OTOGL: variants seen among roughly 807,000 people sequenced by gnomAD.
OTOGL encodes the protein otogelin like.
Under a neutral mutation model 318.5 loss-of-function variants are expected in OTOGL, and 285 were observed. The observed-to-expected ratio is 0.89, with a 90% CI of 0.81 to 0.99. The LOEUF (loss-of-function observed/expected upper bound fraction) is 0.99, where lower values mean the gene tolerates loss of function less well. Among genes scored for constraint, OTOGL ranks in the 50% least tolerant of loss-of-function variants. The pLI is 0.00. For synonymous variants in OTOGL, 987 were observed against 936.5 expected (o/e 1.05, Z -0.99); for missense variants, 2,899 against 2,845.6 (o/e 1.02, Z -0.43).
At chr12:80,277,679 A>G (rs1049305422) in intron 24 of OTOGL, among the ~76,000 whole-genome samples, 1 of 151,504 alleles carries the variant, frequency 6.6e-6, no homozygotes, top group Non-Finnish European at 1.5e-5. Flanking sequence ...CACACACCTA[A>G]GTTAAACTCT....
Position 80,358,882 on chromosome 12 carries a change from T to C in OTOGL, c.6249T>C (p.Ile2083=), listed in dbSNP as rs372698486. The change falls in exon 52 of 59, where the codon ATT becomes ATC. Residue 2083 remains isoleucine (I), a synonymous_variant. Coordinates refer to ENST00000547103, the MANE Select transcript of OTOGL (RefSeq NM_001378609.3). The part of the protein sequence containing the change: ...WHCECNCENL[I]MPTCEVGEFT... Reference sequence around the variant, plus strand: ...TAGAATGTAACTGTGAAAACCTTATTATGCCAACTTGTGAAGTGGTAAGAA... The same window carrying C: ...TAGAATGTAACTGTGAAAACCTTATCATGCCAACTTGTGAAGTGGTAAGAA... 11 of 1,499,856 alleles carry C rather than the reference T, an allele frequency of 7.3e-6. No homozygotes were observed. In the African/African-American group the frequency reaches 1.5e-4, roughly 21 times the overall value. 92.9% of individuals were successfully genotyped at this position (1,499,856 alleles called of 1,614,324 possible). A position where few individuals can be genotyped will look rare whatever the true frequency, so the allele number is the denominator to read the frequency against.
Position 80,244,439 on chromosome 12 carries a change from C to T in OTOGL, c.1052+5000C>T, listed in dbSNP as rs934819418. On this transcript the variant is annotated intron_variant, in intron 11 of 58. Transcript: ENST00000547103. ...TGCCGTGTTTGGTTTTTTGTTCTTG[C>T]GATAGTTTACTGAGAATGATGATTT... is the stretch of plus-strand genomic sequence containing the variant. Among the ~76,000 whole-genome samples the T allele has an allele frequency of 6.3e-4, 94 of 149,118 alleles. 1 individual carries two copies. Among genetic ancestry groups the T allele is most frequent in the African/African-American group, 2.0e-3 (80 of 39,762 alleles).
rs912396438 is a variant in OTOGL, at chr12:80,172,467, C to T, written c.-19-36946C>T. Among the ~76,000 whole-genome samples, 33 of 152,174 alleles carry T rather than the reference C, an allele frequency of 2.2e-4. 1 individual carries two copies. The highest frequency in any genetic ancestry group is 2.1e-4 in the South Asian group (1 of 4,814). ...CACATGAGTGAAGTTTGGTAATGTGCGTCATTGGTCTTCTCATAGGTTGGT... is the reference window on the plus strand; with the variant it reads ...CACATGAGTGAAGTTTGGTAATGTGTGTCATTGGTCTTCTCATAGGTTGGT... On this transcript the variant is annotated intron_variant, in intron 1 of 58. Transcript: ENST00000547103.
intron 1 of OTOGL, among the ~76,000 whole-genome samples, chr12:80,164,424 T>C (rs944980872): frequency 2.0e-5 from 3 of 152,204 alleles, no homozygotes; most frequent in African/African-American, 7.2e-5. Flanking sequence ...TCTTTCCTTG[T>C]TATAAGTCTG....
chr12:80,312,086 A>G (rs564385637), intron 30 of OTOGL, among the ~76,000 whole-genome samples: 116 of 152,360 alleles, frequency 7.6e-4, no homozygotes, highest in African/African-American at 2.7e-3. Flanking sequence ...GTGTTTTTAG[A>G]TTTCACATTG....
At chr12:80,211,257 T>C (rs1204803076) in intron 3 of OTOGL, among the ~76,000 whole-genome samples, 1 of 152,094 alleles carries the variant, frequency 6.6e-6, no homozygotes, top group Admixed American at 6.6e-5. Flanking sequence ...AAATGTATTA[T>C]GTTCATTTTT....
At chr12:80,266,657 T>G in intron 21 of OTOGL, 41 bp downstream of exon 21, 1 of 1,566,292 alleles carries the variant, frequency 6.4e-7, no homozygotes, top group Non-Finnish European at 8.7e-7. Context: ...TGTTTTAATC[T>G]CTTTTTCTCC....
intron 30 of OTOGL, among the ~76,000 whole-genome samples, chr12:80,312,004 A>G (rs1886665058): frequency 6.6e-6 from 1 of 152,240 alleles, no homozygotes; most frequent in Non-Finnish European, 1.5e-5. Flanking sequence ...AAAATCATGC[A>G]GAAGTAAAAA....
In OTOGL at chr12:80,257,824, G is replaced by A; in HGVS notation, c.1712-1G>A. ...GATTTACGTATGTTCTTTTCCTGCA[G>A]GTATTGTTGAAATTCAAACTCTGTC... On this transcript the variant is annotated splice_acceptor_variant, in intron 17 of 58. Transcript: ENST00000547103. LOFTEE classifies it high-confidence loss of function. 6.4e-7 allele frequency: 1 copy of A among 1,569,988 alleles called. No homozygotes were observed. The highest frequency in any genetic ancestry group is 8.6e-7 in the Non-Finnish European group (1 of 1,164,556).
At chr12:80,355,620 C>G in intron 46 of OTOGL, 116 bp from the exon 47 acceptor site, 1 of 752,154 alleles carries the variant, frequency 1.3e-6, no homozygotes, top group East Asian at 2.8e-5. Flanking sequence ...AAACAATAGA[C>G]TTGTGACACA....
At chr12:80,161,224 CT>C (rs1873495086) in intron 1 of OTOGL, among the ~76,000 whole-genome samples, 1 of 151,194 alleles carries the variant, frequency 6.6e-6, no homozygotes. Context: ...CCCCCAAAAC[CT>C]GTGGAAATAA....
At chr12:80,180,565 G>A (rs1033042376) in intron 1 of OTOGL, among the ~76,000 whole-genome samples, 1 of 152,204 alleles carries the variant, frequency 6.6e-6, no homozygotes, top group African/African-American at 2.4e-5. Flanking sequence ...GGAGCCTTTT[G>A]TTGTGGAAGC....
chr12:80,247,908 C>T (rs766411283), intron 11 of OTOGL, among the ~76,000 whole-genome samples: 2,419 of 101,832 alleles, frequency 0.024, 67 homozygotes, highest in Middle Eastern at 0.061. Flanking sequence ...GATCCCTTTA[C>T]CATTATGTAA....
intron 1 of OTOGL, among the ~76,000 whole-genome samples, chr12:80,146,552 T>A (rs979644089): frequency 6.7e-6 from 1 of 150,042 alleles, no homozygotes; most frequent in African/African-American, 2.5e-5. Context: ...GGCTTTGGTA[T>A]CAGAATGATG....
intron 1 of OTOGL, among the ~76,000 whole-genome samples, chr12:80,168,656 C>G (rs1873987820): frequency 6.6e-6 from 1 of 152,128 alleles, no homozygotes; most frequent in South Asian, 2.1e-4. Context: ...TTTTGGCAGT[C>G]ATTGTTGGCA....
intron 11 of OTOGL, 88 bp from the exon 12 acceptor site, chr12:80,251,605 C>T (rs956193567): frequency 1.1e-6 from 1 of 951,026 alleles, no homozygotes; most frequent in Non-Finnish European, 1.6e-6. Flanking sequence ...TCATCATGCA[C>T]TCAGCATTTC....
At chr12:80,247,089 T>G (rs1880974131) in intron 11 of OTOGL, among the ~76,000 whole-genome samples, 2 of 135,424 alleles carry the variant, frequency 1.5e-5, no homozygotes, top group Non-Finnish European at 3.1e-5. Flanking sequence ...AGTCTATCAA[T>G]TTTGTTGATC....
At chr12:80,265,549 C>T (rs886904076) in intron 20 of OTOGL, 1 of 255,612 alleles carries the variant, frequency 3.9e-6, no homozygotes, top group African/African-American at 2.2e-5. Context: ...TTATGTAATA[C>T]AGTGACGCAG....
Position 80,247,339 on chromosome 12 carries a change from G to A in OTOGL, c.1053-4354G>A, listed in dbSNP as rs1432003800. On this transcript the variant is annotated intron_variant, in intron 11 of 58. Coordinates refer to ENST00000547103, the MANE Select transcript of OTOGL (RefSeq NM_001378609.3). ...TCCCTCTACACACTGCTTTGAATGC[G>A]TCCCAGAGATTCTGGTATGTTGTGT... Among the ~76,000 whole-genome samples, 890 of 140,986 alleles carry A rather than the reference G, an allele frequency of 6.3e-3. 34 individuals carry two copies. Among genetic ancestry groups the A allele is most frequent in the African/African-American group, 0.025 (842 of 33,798 alleles). The allele number at this position is 140,986 out of a possible 152,430, so 92.5% of individuals were successfully genotyped here.
Sources: allele counts gnomAD v4.1 joint callset (sites outside exome capture counted in the v4.1 genomes callset), GRCh38; gene constraint gnomAD v4.1.1; transcripts MANE v1.5; gene names NCBI Gene and HGNC (gene_info 2026-07-23, HGNC 2026-07-21).